Variants in MECOM observed in about 807,000 individuals in gnomAD.
The protein encoded by MECOM is MDS1 and EVI1 complex locus, also known as histone-lysine N-methyltransferase MECOM.
MECOM carries 13 observed loss-of-function variants against 116.3 expected under a neutral mutation model. That is an observed-to-expected ratio of 0.11 (90% CI 0.07 to 0.18). The LOEUF is 0.18. MECOM is among the 10% of genes least tolerant of loss of function. MECOM has a pLI of 1.00. For synonymous variants in MECOM, 528 were observed against 535.2 expected (o/e 0.99, Z 0.19); for missense variants, 1,299 against 1,509.0 (o/e 0.86, Z 2.31).
intron 2 of MECOM, among the ~76,000 whole-genome samples, chr3:169,190,695 C>T (rs569795954): frequency 7.9e-5 from 12 of 152,070 alleles, no homozygotes; most frequent in Admixed American, 6.6e-4. Context: ...CAAACAGGTG[C>T]TAATTATTAA....
At chr3:169,392,512 A>G (rs868095930) in intron 1 of MECOM, among the ~76,000 whole-genome samples, 1 of 152,184 alleles carries the variant, frequency 6.6e-6, no homozygotes, top group African/African-American at 2.4e-5. Context: ...ACATTTATTC[A>G]ATAAATACCA....
chr3:169,416,326 A>G (rs1201680138), intron 1 of MECOM, among the ~76,000 whole-genome samples: 1 of 152,230 alleles, frequency 6.6e-6, no homozygotes, highest in Non-Finnish European at 1.5e-5. Flanking sequence ...TCTGAAACCA[A>G]TGAAAACAAA....
intron 2 of MECOM, among the ~76,000 whole-genome samples, chr3:169,199,197 C>A (rs1748831883): frequency 6.6e-6 from 1 of 151,982 alleles, no homozygotes; most frequent in Non-Finnish European, 1.5e-5. Flanking sequence ...AAGACTTATC[C>A]TACATTAAGT....
intron 2 of MECOM, among the ~76,000 whole-genome samples, chr3:169,378,510 A>AGC (rs1731713892): frequency 3.2e-5 from 1 of 30,784 alleles, no homozygotes; most frequent in Non-Finnish European, 5.7e-5. Flanking sequence ...AGAAAGAAAG[A>AGC]AAGAAAAGAA....
chr3:169,603,691 T>C (rs952897373), intron 1 of MECOM, among the ~76,000 whole-genome samples: 1 of 152,224 alleles, frequency 6.6e-6, no homozygotes, highest in Non-Finnish European at 1.5e-5. Context: ...TACAGTAACA[T>C]GCTGTACAGG....
intron 2 of MECOM, among the ~76,000 whole-genome samples, chr3:169,212,672 A>G (rs1374903734): frequency 9.0e-6 from 1 of 111,436 alleles, no homozygotes; most frequent in East Asian, 2.8e-4. Flanking sequence ...ATATATATAT[A>G]TATATATATA....
At chr3:169,380,002 T>TCAAATC (rs1732128893) in intron 2 of MECOM, among the ~76,000 whole-genome samples, 1 of 152,172 alleles carries the variant, frequency 6.6e-6, no homozygotes. Context: ...TTGAATCATG[T>TCAAATC]CAAAGCCGGA....
At chr3:169,595,968 C>T (rs561162811) in intron 1 of MECOM, among the ~76,000 whole-genome samples, 1 of 151,916 alleles carries the variant, frequency 6.6e-6, no homozygotes, top group South Asian at 2.1e-4. Flanking sequence ...CACTAGCACA[C>T]CAATAATAAG....
In MECOM at chr3:169,490,815, T is replaced by C. The variant is rs564042621; in HGVS notation, c.38-109291A>G. On this transcript the variant is annotated intron_variant, in intron 1 of 16. Transcript: ENST00000651503. The stretch of plus-strand genomic sequence containing the variant: ...GCAAAAGAGAGTTTGTTAGTAGATA[T>C]GCAAAATGTTAATATTTGAGTATAT... Among the ~76,000 whole-genome samples, 443 of 152,336 alleles carry C rather than the reference T, an allele frequency of 2.9e-3. 2 individuals carry two copies. The highest frequency in any genetic ancestry group is 9.9e-3 in the African/African-American group (411 of 41,590).
intron 1 of MECOM, among the ~76,000 whole-genome samples, chr3:169,457,424 G>A (rs1746713206): frequency 6.6e-6 from 1 of 152,182 alleles, no homozygotes; most frequent in Non-Finnish European, 1.5e-5. Context: ...AAGTAAATTA[G>A]TATAGTACTT....
chr3:169,472,985 C>T, intron 1 of MECOM: 1 of 983,266 alleles, frequency 1.0e-6, no homozygotes, highest in Non-Finnish European at 1.2e-6. Flanking sequence ...TAGACACCAC[C>T]CAGATACCAT....
At chr3:169,215,877 G>C (rs1048361593) in intron 2 of MECOM, among the ~76,000 whole-genome samples, 3 of 152,162 alleles carry the variant, frequency 2.0e-5, no homozygotes, top group African/African-American at 7.2e-5. Flanking sequence ...CTGGCATTCC[G>C]CCTCAGCTGG....
At chr3:169,645,719 G>A (rs1180307147) in intron 1 of MECOM, among the ~76,000 whole-genome samples, 1 of 152,198 alleles carries the variant, frequency 6.6e-6, no homozygotes, top group Non-Finnish European at 1.5e-5. Flanking sequence ...CCCTATGCCT[G>A]TAAAAACTGA....
chr3:169,566,118 A>C, intron 1 of MECOM: 1 of 292,840 alleles, frequency 3.4e-6, no homozygotes. Flanking sequence ...TCTTGTGAGA[A>C]CTCACTCACT....
chr3:169,644,296 G>A lies in MECOM; in HGVS notation c.37+19040C>T, dbSNP rs551059584. 9.3e-5 allele frequency among the ~76,000 whole-genome samples: 14 copies of A among 151,016 alleles called. No individual in the cohort carries two copies. In the East Asian group the frequency reaches 9.7e-4, roughly 10 times the overall value. On this transcript the variant is annotated intron_variant, in intron 1 of 16. Coordinates refer to ENST00000651503, the MANE Select transcript of MECOM (RefSeq NM_004991.4). ...TATTGAGACAGGGTCTCACTCTGTC[G>A]CCCAGGCTGGAGGGCAGTGGTACAA... is the stretch of plus-strand genomic sequence containing the variant.
At chr3:169,333,022 G>C (rs985936461) in intron 2 of MECOM, among the ~76,000 whole-genome samples, 1 of 152,138 alleles carries the variant, frequency 6.6e-6, no homozygotes, top group East Asian at 1.9e-4. Flanking sequence ...AGAAAAATAT[G>C]ATATTCTAAC....
chr3:169,122,448 A>G (rs1406491407), intron 6 of MECOM, 132 bp downstream of exon 6: 4 of 986,600 alleles, frequency 4.1e-6, no homozygotes, highest in Non-Finnish European at 6.0e-6. Context: ...AGCATACAAC[A>G]CTCAGTGTAC....
intron 2 of MECOM, among the ~76,000 whole-genome samples, chr3:169,274,979 C>T (rs552678893): frequency 6.6e-6 from 1 of 152,284 alleles, no homozygotes; most frequent in Admixed American, 6.5e-5. Flanking sequence ...AACCTTTATT[C>T]TTTCTTTGGC....
intron 1 of MECOM, among the ~76,000 whole-genome samples, chr3:169,603,856 T>G (rs1416276875): frequency 6.6e-6 from 1 of 152,216 alleles, no homozygotes; most frequent in African/African-American, 2.4e-5. Flanking sequence ...ACCCCTGTCA[T>G]AACTATGCAT....
Sources: allele counts gnomAD v4.1 joint callset (sites outside exome capture counted in the v4.1 genomes callset), GRCh38; gene constraint gnomAD v4.1.1; transcripts MANE v1.5; gene names NCBI Gene and HGNC (gene_info 2026-07-23, HGNC 2026-07-21).